The following PSMB5 variants were observed in gnomAD, a reference collection of about 807,000 sequenced individuals.
The protein encoded by PSMB5 is proteasome 20S subunit beta 5, also known as proteasome subunit beta type-5.
A neutral mutation model predicts 22.8 loss-of-function variants in PSMB5; 2 were observed. The observed-to-expected ratio is 0.09, with a 90% confidence interval of 0.04 to 0.28. PSMB5 has a LOEUF of 0.28. Ranked by LOEUF, PSMB5 falls within the 10% of genes least tolerant of loss-of-function variation. PSMB5 has a pLI of 1.00. For synonymous variants in PSMB5, 133 were observed against 135.3 expected (o/e 0.98, Z 0.12); for missense variants, 269 against 343.8 (o/e 0.78, Z 1.72).
chr14:23,030,906 C>A (rs2046948497), intron 2 of PSMB5, among the ~76,000 whole-genome samples: 2 of 152,164 alleles, frequency 1.3e-5, no homozygotes, highest in South Asian at 4.1e-4. Context: ...GCATGGGTGA[C>A]AAGAGGAAAA....
chr14:23,034,912 A>C, upstream of PSMB5: 1 of 1,603,942 alleles, frequency 6.2e-7, no homozygotes, highest in Non-Finnish European at 8.5e-7. Flanking sequence ...ACTAATTCTG[A>C]GAACGCCTAG....
In PSMB5 at chr14:23,026,139, T is replaced by C; in HGVS notation, c.742A>G (p.Ser248Gly). The change falls in exon 3 of 3, where the codon AGT (serine) becomes GGT (glycine). Residue 248 changes from serine (S) to glycine (G), a missense_variant. Ser to Gly is a moderately conservative substitution (Grantham distance 56). Around this residue, in one of 3 missense-constraint regions of PSMB5, gnomAD observed 113 missense variants for 130.2 expected, o/e 0.87. Coordinates refer to ENST00000361611, the MANE Select transcript of PSMB5 (RefSeq NM_002797.5). Reference sequence around the variant, plus strand: ...TCATGTAGATCAGCCACATTGTCACTGGAGACTCGGATCCAGCCATCCTCC... The same window carrying C: ...TCATGTAGATCAGCCACATTGTCACCGGAGACTCGGATCCAGCCATCCTCC... ...VREDGWIRVS[S>G]DNVADLHEKY... 2 of 1,614,146 alleles carry C rather than the reference T, an allele frequency of 1.2e-6. No homozygotes were observed. The highest frequency in any genetic ancestry group is 1.7e-6 in the Non-Finnish European group (2 of 1,180,030).
Position 23,034,775 on chromosome 14 carries a change from C to T in PSMB5, c.107G>A (p.Ser36Asn), listed in dbSNP as rs2046979346. 3 of 1,614,136 alleles carry T rather than the reference C, an allele frequency of 1.9e-6. No individual in the cohort carries two copies. The African/African-American group carries it at 4.0e-5, about 22-fold the overall frequency. Residue 36 changes from serine (S) to asparagine (N), a missense_variant, in exon 1 of 3, where the codon AGT becomes AAT. Ser to Asn is a conservative substitution (Grantham distance 46). Transcript: ENST00000361611. Reference sequence around the variant, plus strand: ...TGGCGCGGCCAGGCTCAGACCATCACTGAGACTCCCTGGACCTAGATCCAG... The same window carrying T: ...TGGCGCGGCCAGGCTCAGACCATCATTGAGACTCCCTGGACCTAGATCCAG... ...DLLDLGPGSL[S>N]DGLSLAAPGW...
In PSMB5 at chr14:23,026,852, G is replaced by A. The variant is rs546534864; in HGVS notation, c.506-477C>T. ...AATCCCAGCACTTTGGGAGGCTGAG[G>A]TGGGCAGATCACCTGAGGTCAGGCG... On this transcript the variant is annotated intron_variant, in intron 2 of 2. Transcript: ENST00000361611. Among the ~76,000 whole-genome samples the A allele has an allele frequency of 1.3e-3, 196 of 149,858 alleles. 1 individual carries two copies. Among genetic ancestry groups the A allele is most frequent in the African/African-American group, 4.6e-3 (189 of 40,816 alleles).
chr14:23,032,411 G>C (rs1486530796), intron 2 of PSMB5, among the ~76,000 whole-genome samples: 4 of 151,996 alleles, frequency 2.6e-5, no homozygotes, highest in Non-Finnish European at 4.4e-5. Context: ...GCCATTACAC[G>C]CCAGACTGGA....
At chr14:23,032,518 A>G (rs1387062712) in intron 2 of PSMB5, among the ~76,000 whole-genome samples, 1 of 152,224 alleles carries the variant, frequency 6.6e-6, no homozygotes, top group African/African-American at 2.4e-5. Flanking sequence ...ATTAGAGTCC[A>G]ATACAGTAGC....
At chr14:23,026,959 A>G (rs1027193179) in intron 2 of PSMB5, among the ~76,000 whole-genome samples, 2 of 151,406 alleles carry the variant, frequency 1.3e-5, no homozygotes, top group East Asian at 2.0e-4. Context: ...GCACATGCCT[A>G]TAATCCCAGC....
chr14:23,031,361 G>C lies in PSMB5; in HGVS notation c.505+2007C>G, dbSNP rs543055127. On this transcript the variant is annotated intron_variant, in intron 2 of 2. Coordinates refer to ENST00000361611, the MANE Select transcript of PSMB5 (RefSeq NM_002797.5). The stretch of plus-strand genomic sequence containing the variant: ...CTCAATTTCCAAAGTAACAAAGTGA[G>C]CTCCTCTCTCACATCCGGTTTTTAA... Among the ~76,000 whole-genome samples the C allele has an allele frequency of 9.2e-5, 14 of 152,314 alleles. No individual in the cohort carries two copies. In the East Asian group the frequency reaches 2.7e-3, roughly 29 times the overall value.
chr14:23,031,855 G>A (rs1301509462), intron 2 of PSMB5, among the ~76,000 whole-genome samples: 2 of 152,218 alleles, frequency 1.3e-5, no homozygotes, highest in Non-Finnish European at 2.9e-5. Flanking sequence ...TTGGCAGGCT[G>A]AGGTGGGCAG....
At chr14:23,028,148 A>C (rs1412996201) in intron 2 of PSMB5, among the ~76,000 whole-genome samples, 1 of 151,770 alleles carries the variant, frequency 6.6e-6, no homozygotes, top group Non-Finnish European at 1.5e-5. Context: ...TGTCTCAAAA[A>C]ACAAACAAAC....
At chr14:23,034,454 T>C in intron 1 of PSMB5, 1 of 553,278 alleles carries the variant, frequency 1.8e-6, no homozygotes, top group Non-Finnish European at 3.2e-6. Context: ...CCAAGAGGCC[T>C]CACCTTCCTC....
At chr14:23,034,981 C>T, upstream of PSMB5, 2 of 1,457,648 alleles carry the variant, frequency 1.4e-6, no homozygotes, top group Non-Finnish European at 1.8e-6. Context: ...AAATCTATTC[C>T]GGAATGGAGC....
At chr14:23,027,673 A>C in intron 2 of PSMB5, 2 of 1,147,986 alleles carry the variant, frequency 1.7e-6, no homozygotes, top group East Asian at 2.9e-5. Context: ...ACCTGAAGGA[A>C]TAAAATTTAA....
At chr14:23,034,574 G>C in intron 1 of PSMB5, 110 bp downstream of exon 1, 1 of 1,296,544 alleles carries the variant, frequency 7.7e-7, no homozygotes, top group Non-Finnish European at 1.1e-6. Context: ...AGAGGACCCA[G>C]CCTCCGCCTG....
intron 2 of PSMB5, among the ~76,000 whole-genome samples, chr14:23,029,825 A>G (rs1387264040): frequency 6.7e-6 from 1 of 150,166 alleles, no homozygotes; most frequent in Non-Finnish European, 1.5e-5. Flanking sequence ...TCTGTTGCCC[A>G]GTCTGGAGTG....
intron 2 of PSMB5, among the ~76,000 whole-genome samples, chr14:23,032,605 G>GA (rs1566715666): frequency 6.9e-6 from 1 of 145,592 alleles, no homozygotes; most frequent in Non-Finnish European, 1.5e-5. Flanking sequence ...TCTTTTTTTT[G>GA]TTTTTTTTTT....
At chr14:23,028,375 A>C (rs893551473) in intron 2 of PSMB5, among the ~76,000 whole-genome samples, 2 of 152,204 alleles carry the variant, frequency 1.3e-5, no homozygotes, top group African/African-American at 4.8e-5. Flanking sequence ...GTTTGTAATC[A>C]CATTGTAAAG....
chr14:23,034,622 TGG>T, intron 1 of PSMB5, 60 bp downstream of exon 1: 1 of 1,579,346 alleles, frequency 6.3e-7, no homozygotes, highest in Non-Finnish European at 8.6e-7. Context: ...CCGGTCAGGC[TGG>T]GAGGCCAGGC....
intron 1 of PSMB5, chr14:23,034,330 A>C: frequency 4.1e-6 from 1 of 244,324 alleles, no homozygotes; most frequent in Non-Finnish European, 8.2e-6. Context: ...CAGTTTCCAA[A>C]ACTTTGGTAA....
Sources: allele counts gnomAD v4.1 joint callset (sites outside exome capture counted in the v4.1 genomes callset), GRCh38; gene constraint gnomAD v4.1.1; regional missense constraint gnomAD v4.1.1; transcripts MANE v1.5; gene names NCBI Gene and HGNC (gene_info 2026-07-23, HGNC 2026-07-21).